TDRD12: variants seen among roughly 807,000 people sequenced by gnomAD.
TDRD12 encodes the protein putative ATP-dependent RNA helicase TDRD12.
A neutral mutation model predicts 133.5 loss-of-function variants in TDRD12; 158 were observed. That is an observed-to-expected ratio of 1.18 (90% CI 1.04 to 1.35). The LOEUF is 1.35. Among genes scored for constraint, TDRD12 ranks in the 40% most tolerant of loss-of-function variants. The pLI, the probability that TDRD12 is intolerant of heterozygous loss-of-function variation, is 0.00. For missense variants in TDRD12, 1,443 were observed against 1,321.3 expected (o/e 1.09, Z -1.43); for synonymous variants, 460 against 477.9 (o/e 0.96, Z 0.49).
chr19:32,799,798 G>T (rs186244975), intron 16 of TDRD12, among the ~76,000 whole-genome samples: 1 of 119,204 alleles, frequency 8.4e-6, no homozygotes, highest in South Asian at 2.8e-4. Context: ...GCAATGGCTT[G>T]ATCTTGGCTC....
chr19:32,821,769 T>C (rs1967404994), downstream of TDRD12, among the ~76,000 whole-genome samples: 1 of 152,330 alleles, frequency 6.6e-6, no homozygotes, highest in African/African-American at 2.4e-5. Context: ...TTTCTTAATC[T>C]TGGAAAGTAT....
chr19:32,757,234 C>T, intron 8 of TDRD12, 104 bp downstream of exon 8: 1 of 930,738 alleles, frequency 1.1e-6, no homozygotes, highest in Non-Finnish European at 1.6e-6. Flanking sequence ...GTAATTCTTT[C>T]TCTTTTCTTA....
chr19:32,819,697 G>A (rs1306390455), intron 27 of TDRD12, among the ~76,000 whole-genome samples: 1 of 152,196 alleles, frequency 6.6e-6, no homozygotes, highest in African/African-American at 2.4e-5. Context: ...CCCCATATCA[G>A]ACAGCTCCTG....
At chr19:32,739,091 A>G (rs1969313479) in intron 3 of TDRD12, 99 bp downstream of exon 3, 2 of 1,407,594 alleles carry the variant, frequency 1.4e-6, no homozygotes, top group African/African-American at 1.4e-5. Context: ...AGGTCACTAC[A>G]CTGAGAAAAG....
intron 11 of TDRD12, among the ~76,000 whole-genome samples, chr19:32,781,280 CCT>C (rs1970758447): frequency 3.3e-5 from 5 of 152,262 alleles, no homozygotes; most frequent in Admixed American, 2.6e-4. Flanking sequence ...CCAGAATTCT[CCT>C]CTGTTATCTA....
At chr19:32,783,271 G>A (rs144620678) in intron 11 of TDRD12, among the ~76,000 whole-genome samples, 17 of 152,154 alleles carry the variant, frequency 1.1e-4, no homozygotes, top group Middle Eastern at 3.4e-3. Flanking sequence ...ATAAGATGGC[G>A]GTAGATGTGT....
intron 1 of TDRD12, 114 bp downstream of exon 1, chr19:32,720,210 G>T: frequency 9.4e-7 from 1 of 1,058,292 alleles, no homozygotes; most frequent in Non-Finnish European, 1.3e-6. Context: ...TACACCCACC[G>T]CAGCCCCGCA....
intron 11 of TDRD12, among the ~76,000 whole-genome samples, chr19:32,783,462 C>T (rs1970824714): frequency 6.6e-6 from 1 of 152,160 alleles, no homozygotes; most frequent in African/African-American, 2.4e-5. Flanking sequence ...TTTTTGGTTC[C>T]ATATGAAGTT....
At chr19:32,767,092 TTTTA>T (rs138456502) in intron 8 of TDRD12, among the ~76,000 whole-genome samples, 39,215 of 137,110 alleles carry the variant, frequency 0.29, 5,684 homozygotes, top group Middle Eastern at 0.34. Context: ...TTTTCATGCA[TTTTA>T]TTTATTTATT....
intron 8 of TDRD12, among the ~76,000 whole-genome samples, chr19:32,763,889 A>C (rs545939346): frequency 6.6e-6 from 1 of 152,238 alleles, no homozygotes; most frequent in African/African-American, 2.4e-5. Context: ...TGCTGGGGCA[A>C]CAGTTTGCCC....
At position 32,744,881 on chromosome 19, in the gene TDRD12, T is replaced by C. The variant is rs564574527; in HGVS notation, c.440+1981T>C. Among the ~76,000 whole-genome samples the C allele has an allele frequency of 2.0e-5, 3 of 152,334 alleles. No homozygotes were observed. In the South Asian group the frequency reaches 6.2e-4, roughly 32 times the overall value. The stretch of plus-strand genomic sequence containing the variant: ...ACTCCACTGGCATGCCATGTTGCAC[T>C]GTGTACTCTGAACTCAGAAGCTGCC... On this transcript the variant is annotated intron_variant, in intron 4 of 27. Coordinates refer to ENST00000444215, the Ensembl canonical transcript of TDRD12.
intron 9 of TDRD12, 27 bp downstream of exon 9, chr19:32,772,877 T>C: frequency 7.6e-7 from 1 of 1,318,962 alleles, no homozygotes; most frequent in Non-Finnish European, 1.0e-6. Flanking sequence ...GTTCTTTAAA[T>C]ACAAAGTTCA....
intron 1 of TDRD12, among the ~76,000 whole-genome samples, chr19:32,729,727 C>T (rs1968980898): frequency 6.7e-6 from 1 of 148,990 alleles, no homozygotes; most frequent in African/African-American, 2.5e-5. Context: ...CCTGTTAATT[C>T]CAATATCTGG....
chr19:32,753,087 C>T (rs777949406), intron 6 of TDRD12, among the ~76,000 whole-genome samples: 7 of 152,212 alleles, frequency 4.6e-5, no homozygotes, highest in Non-Finnish European at 7.4e-5. Context: ...CCACCGCGCC[C>T]GGCCACTGGA....
At chr19:32,731,992 C>A in intron 2 of TDRD12, 109 bp downstream of exon 2, 4 of 1,128,774 alleles carry the variant, frequency 3.5e-6, no homozygotes, top group Non-Finnish European at 4.9e-6. Flanking sequence ...TAGTTTCTTA[C>A]ACTCAGTGCC....
chr19:32,787,677 G>A (rs956844490), intron 11 of TDRD12, among the ~76,000 whole-genome samples: 7 of 152,182 alleles, frequency 4.6e-5, no homozygotes, highest in African/African-American at 9.6e-5. Flanking sequence ...CCAAGCTCCC[G>A]CATCCCAGGT....
chr19:32,796,535 A>G (rs984518267), intron 14 of TDRD12, among the ~76,000 whole-genome samples: 2 of 152,024 alleles, frequency 1.3e-5, no homozygotes, highest in Admixed American at 6.5e-5. Context: ...CGGTGAGGCA[A>G]GATCGCACCA....
chr19:32,768,988 C>T (rs1375006327), intron 8 of TDRD12, among the ~76,000 whole-genome samples: 2 of 152,148 alleles, frequency 1.3e-5, no homozygotes, highest in Non-Finnish European at 2.9e-5. Flanking sequence ...AGCAGTCCTC[C>T]TGCTTCAGCC....
At chr19:32,825,796 G>A (rs1171694041), downstream of TDRD12, among the ~76,000 whole-genome samples, 8 of 152,098 alleles carry the variant, frequency 5.3e-5, no homozygotes, top group Non-Finnish European at 5.9e-5. This position sits in a 1 kb window ranked among gnomAD's most constrained non-coding sequence, Gnocchi z 4.1. Flanking sequence ...CAGGAGAATC[G>A]CTTGAACTCG....
Sources: gnomAD v4.1 joint callset for allele counts (sites outside exome capture counted in the v4.1 genomes callset) on GRCh38, gnomAD v4.1.1 for gene constraint, Gnocchi (gnomAD v3.1) non-coding constraint, MANE v1.5 for transcripts, NCBI Gene and HGNC (gene_info 2026-07-23, HGNC 2026-07-21) for gene names.